The following MYLK variants were observed in gnomAD, a reference collection of about 807,000 sequenced individuals.
The protein encoded by MYLK is myosin light chain kinase, smooth muscle.
A neutral mutation model predicts 203.4 loss-of-function variants in MYLK; 106 were observed. That is an observed-to-expected ratio of 0.52 (90% CI 0.45 to 0.61). The LOEUF is 0.61. Among genes scored for constraint, MYLK ranks in the 20% least tolerant of loss-of-function variants. The pLI, the probability that MYLK is intolerant of heterozygous loss-of-function variation, is 0.00. For synonymous variants in MYLK, 867 were observed against 959.5 expected (o/e 0.90, Z 1.78); for missense variants, 2,072 against 2,442.3 (o/e 0.85, Z 3.20).
chr3:123,679,296 ACT>A (rs2060179823), intron 20 of MYLK, among the ~76,000 whole-genome samples: 1 of 139,042 alleles, frequency 7.2e-6, no homozygotes, highest in South Asian at 2.3e-4. Flanking sequence ...ACAGAGCGAG[ACT>A]CTGTCTCAAA....
intron 27 of MYLK, 166 bp downstream of exon 27, chr3:123,647,058 T>G: frequency 1.5e-6 from 1 of 685,112 alleles, no homozygotes; most frequent in Non-Finnish European, 2.6e-6. Context: ...AGACCTTCGG[T>G]TCTGTTTGGT....
rs1049132019 is a variant in MYLK, at chr3:123,610,471, G to A, written c.*3634C>T. ...GCAGCCACCATCTCATGTGTTGCCCGTCATTATGGAGAGGCTTGTACCAGC... is the reference window on the plus strand; with the variant it reads ...GCAGCCACCATCTCATGTGTTGCCCATCATTATGGAGAGGCTTGTACCAGC... On this transcript the variant is annotated 3_prime_UTR_variant, in exon 34 of 34. Transcript: ENST00000360304. 3.3e-5 allele frequency: 5 copies of A among 152,196 alleles called. No homozygotes were observed. The highest frequency in any genetic ancestry group is 1.9e-4 in the East Asian group (1 of 5,198). The allele number at this position is 152,196 out of a possible 1,614,324, so 9.4% of individuals were successfully genotyped here.
At chr3:123,728,098 C>A (rs962219062) in intron 11 of MYLK, among the ~76,000 whole-genome samples, 1 of 152,148 alleles carries the variant, frequency 6.6e-6, no homozygotes, top group Non-Finnish European at 1.5e-5. Context: ...CTCTGAAGAT[C>A]TACTCCTCCA....
At chr3:123,712,513 T>G (rs529284582) in intron 13 of MYLK, among the ~76,000 whole-genome samples, 2 of 152,324 alleles carry the variant, frequency 1.3e-5, no homozygotes, top group African/African-American at 2.4e-5. Flanking sequence ...CCCCACCTTC[T>G]CTGGGTTCTT....
rs115902874 is a variant in MYLK at position 123,711,461 on chromosome 3, C to T, written c.1805-1568G>A. Among the ~76,000 whole-genome samples, 1,251 of 152,304 alleles carry T rather than the reference C, an allele frequency of 8.2e-3. 24 individuals carry two copies. Among genetic ancestry groups the T allele is most frequent in the African/African-American group, 0.028 (1,180 of 41,564 alleles). On this transcript the variant is annotated intron_variant, in intron 13 of 33. Transcript: ENST00000360304. ...AGGGTGAGAGGCCTGGCGCCTCACT[C>T]ACATTCAGTTTCTTGTGGAGGTGGG...
At position 123,733,728 on chromosome 3, in the gene MYLK, T is replaced by C; in HGVS notation, c.1268A>G (p.Gln423Arg). ...FPKFESKPQS[Q>R]EVKENQTVKF... is the part of the protein sequence containing the mutation. ...GACAGTTTGATTTTCCTTGACCTCC[T>C]GGCTTTGGGGCTTGCTCTCAAATTT... Residue 423 changes from glutamine (Q) to arginine (R), a missense_variant, in exon 10 of 34, where the codon CAG becomes CGG. Physicochemically the swap from Gln to Arg is conservative, Grantham distance 43 (BLOSUM62 1). This residue lies in a region of MYLK where 683 missense variants were observed against 643.8 expected (regional missense o/e 1.06). Transcript: ENST00000360304. 6.2e-7 allele frequency: 1 copy of C among 1,614,234 alleles called. No homozygotes were observed. The highest frequency in any genetic ancestry group is 1.1e-5 in the South Asian group (1 of 91,090).
At chr3:123,679,534 A>G (rs543975195) in intron 20 of MYLK, among the ~76,000 whole-genome samples, 2 of 152,076 alleles carry the variant, frequency 1.3e-5, no homozygotes, top group Admixed American at 6.5e-5. Flanking sequence ...TTGGAGTAAC[A>G]GAGATTGGAG....
At chr3:123,822,092 C>T (rs73857527) in intron 3 of MYLK, among the ~76,000 whole-genome samples, 1,973 of 152,270 alleles carry the variant, frequency 0.013, 46 homozygotes, top group African/African-American at 0.045. Context: ...TACCTTCCAC[C>T]GTGGGATGAC....
At chr3:123,694,794 A>G (rs978687014) in intron 18 of MYLK, among the ~76,000 whole-genome samples, 1 of 152,210 alleles carries the variant, frequency 6.6e-6, no homozygotes, top group African/African-American at 2.4e-5. Context: ...ACCCCTGGCC[A>G]TGTGCATGGG....
At chr3:123,652,283 C>G (rs2059240797) in intron 24 of MYLK, among the ~76,000 whole-genome samples, 1 of 151,018 alleles carries the variant, frequency 6.6e-6, no homozygotes, top group Non-Finnish European at 1.5e-5. Context: ...GAAGGGTCTT[C>G]CACTGAACTT....
At position 123,733,864 on chromosome 3, in the gene MYLK, G is replaced by C. The variant is rs11920433; in HGVS notation, c.1132C>G (p.Arg378Gly). The C allele has an allele frequency of 1.8e-4, 298 of 1,614,136 alleles. No homozygotes were observed. In the African/African-American group the frequency reaches 3.7e-3, roughly 20 times the overall value. ...GEERKRPAPP[R>G]PATFPTRQPG... ...TGCCTGGTGGGGAAGGTGGCTGGACGGGGAGGAGCTGGCCTCTTCCTCTCT... is the reference window on the plus strand; with the variant it reads ...TGCCTGGTGGGGAAGGTGGCTGGACCGGGAGGAGCTGGCCTCTTCCTCTCT... The change falls in exon 10 of 34, where the codon CGT becomes GGT. Residue 378 changes from arginine to glycine, a missense_variant. Physicochemically the swap from Arg to Gly is moderately radical, Grantham distance 125. Transcript: ENST00000360304.
At chr3:123,777,499 C>T (rs550323548) in intron 4 of MYLK, among the ~76,000 whole-genome samples, 3 of 152,346 alleles carry the variant, frequency 2.0e-5, no homozygotes, top group Admixed American at 6.5e-5. Context: ...GAGGTATATA[C>T]CCACACTCTG....
chr3:123,705,594 T>A (rs2061431002), intron 16 of MYLK, among the ~76,000 whole-genome samples: 1 of 152,224 alleles, frequency 6.6e-6, no homozygotes, highest in South Asian at 2.1e-4. Context: ...GGATAACTTC[T>A]GAAGCCCCTT....
At chr3:123,652,476 G>A (rs1417478744) in intron 24 of MYLK, among the ~76,000 whole-genome samples, 1 of 152,162 alleles carries the variant, frequency 6.6e-6, no homozygotes, top group South Asian at 2.1e-4. Context: ...TCAGTCCCCT[G>A]GACAGAGAAT....
At chr3:123,799,225 C>T (rs2065106978) in intron 3 of MYLK, among the ~76,000 whole-genome samples, 1 of 151,856 alleles carries the variant, frequency 6.6e-6, no homozygotes, top group Admixed American at 6.6e-5. Context: ...CAACGCCCAC[C>T]TCTAAATGAG....
chr3:123,804,756 G>T (rs906206698), intron 3 of MYLK, among the ~76,000 whole-genome samples: 1 of 152,148 alleles, frequency 6.6e-6, no homozygotes, highest in South Asian at 2.1e-4. Context: ...GTGGCCCCTG[G>T]TCCTCTCTAT....
chr3:123,675,902 C>T (rs576181207), intron 20 of MYLK, among the ~76,000 whole-genome samples: 4 of 152,304 alleles, frequency 2.6e-5, no homozygotes, highest in South Asian at 2.1e-4. Context: ...CTTACAGATA[C>T]GTGGAGGAAT....
At chr3:123,801,096 G>A (rs980436987) in intron 3 of MYLK, among the ~76,000 whole-genome samples, 10 of 152,212 alleles carry the variant, frequency 6.6e-5, no homozygotes, top group African/African-American at 1.9e-4. Context: ...TTAATGTCTG[G>A]CTAGTAGAAA....
At chr3:123,703,159 C>T (rs1042824926) in intron 16 of MYLK, among the ~76,000 whole-genome samples, 4 of 152,140 alleles carry the variant, frequency 2.6e-5, no homozygotes, top group African/African-American at 9.7e-5. Context: ...TGGGTCTCCA[C>T]CTCACTCTGC....
Sources: allele counts gnomAD v4.1 joint callset (sites outside exome capture counted in the v4.1 genomes callset), GRCh38; gene constraint gnomAD v4.1.1; regional missense constraint gnomAD v4.1.1; transcripts MANE v1.5; gene names NCBI Gene and HGNC (gene_info 2026-07-23, HGNC 2026-07-21).